FSTL4: variants seen among roughly 807,000 people sequenced by gnomAD.
The protein encoded by FSTL4 is follistatin like 4.
In FSTL4, 28 loss-of-function variants were observed where a neutral mutation model predicts 78.2. The observed-to-expected ratio is 0.36, with a 90% CI of 0.27 to 0.49. The LOEUF is 0.49. Ranked by LOEUF, FSTL4 falls within the 20% of genes least tolerant of loss-of-function variation. The pLI is 0.98. For synonymous variants in FSTL4, 422 were observed against 440.5 expected (o/e 0.96, Z 0.53); for missense variants, 922 against 1,084.9 (o/e 0.85, Z 2.11).
the FSTL4 span, among the ~76,000 whole-genome samples, chr5:133,760,246 G>A: frequency 6.6e-6 from 1 of 152,196 alleles, no homozygotes; most frequent in Non-Finnish European, 1.5e-5. Flanking sequence ...AAGCCACAGA[G>A]TCACTAGATG....
intron 2 of FSTL4, among the ~76,000 whole-genome samples, chr5:133,601,581 G>C (rs1317750816): frequency 6.6e-6 from 1 of 152,168 alleles, no homozygotes; most frequent in Non-Finnish European, 1.5e-5. Context: ...GGTGCATGGA[G>C]GGATGAACAG....
chr5:133,803,356 G>A, the FSTL4 span, among the ~76,000 whole-genome samples: 1 of 152,150 alleles, frequency 6.6e-6, no homozygotes, highest in Admixed American at 6.5e-5. Context: ...GCATGTAAGA[G>A]CTGGCCAGGC....
intron 4 of FSTL4, among the ~76,000 whole-genome samples, chr5:133,360,318 G>C (rs1755040830): frequency 6.6e-6 from 1 of 152,196 alleles, no homozygotes; most frequent in South Asian, 2.1e-4. Flanking sequence ...TGAATTCAAA[G>C]CTGGCTCTAA....
the FSTL4 span, among the ~76,000 whole-genome samples, chr5:133,663,600 G>A: frequency 2.6e-5 from 4 of 152,214 alleles, no homozygotes; most frequent in South Asian, 2.1e-4. Context: ...TGCTGCACAC[G>A]TGGTCTCATT....
At chr5:133,568,298 C>T (rs2112945167) in intron 2 of FSTL4, among the ~76,000 whole-genome samples, 1 of 152,284 alleles carries the variant, frequency 6.6e-6, no homozygotes, top group South Asian at 2.1e-4. Flanking sequence ...ATACTAGCAA[C>T]TAAAGAAGAG....
intron 3 of FSTL4, among the ~76,000 whole-genome samples, chr5:133,560,551 G>C (rs1387524261): frequency 6.6e-6 from 1 of 151,964 alleles, no homozygotes; most frequent in Non-Finnish European, 1.5e-5. Context: ...TTTTAGTAGA[G>C]ACGGGGTTTT....
intron 3 of FSTL4, among the ~76,000 whole-genome samples, chr5:133,493,646 G>A (rs1428288396): frequency 6.6e-6 from 1 of 152,156 alleles, no homozygotes; most frequent in Non-Finnish European, 1.5e-5. Context: ...GAGGTGGCCC[G>A]TGCTGGGTCT....
At chr5:133,662,730 G>C in the FSTL4 span, among the ~76,000 whole-genome samples, 1 of 152,146 alleles carries the variant, frequency 6.6e-6, no homozygotes, top group Non-Finnish European at 1.5e-5. Context: ...CCAGGGCTGT[G>C]CTTACTGTGA....
intron 3 of FSTL4, among the ~76,000 whole-genome samples, chr5:133,455,576 T>C (rs1757471415): frequency 6.6e-6 from 1 of 152,164 alleles, no homozygotes; most frequent in Admixed American, 6.5e-5. Context: ...CATGCAGACT[T>C]AGCCAGCTGA....
At chr5:133,798,731 C>T in the FSTL4 span, among the ~76,000 whole-genome samples, 1 of 152,084 alleles carries the variant, frequency 6.6e-6, no homozygotes, top group African/African-American at 2.4e-5. Context: ...GAAAGCCTCT[C>T]GTCCCCGCTC....
chr5:133,559,381 G>A (rs575215784), intron 3 of FSTL4, among the ~76,000 whole-genome samples: 10 of 152,292 alleles, frequency 6.6e-5, no homozygotes, highest in African/African-American at 2.4e-4. Context: ...CAAATGTCAA[G>A]CTTAACTTCT....
At chr5:133,477,144 T>A (rs1012226399) in intron 3 of FSTL4, among the ~76,000 whole-genome samples, 1 of 152,168 alleles carries the variant, frequency 6.6e-6, no homozygotes, top group African/African-American at 2.4e-5. Flanking sequence ...AAAATTTGGT[T>A]TAAAATATGT....
chr5:133,435,250 C>T (rs920582309), intron 3 of FSTL4, among the ~76,000 whole-genome samples: 12 of 152,142 alleles, frequency 7.9e-5, no homozygotes, highest in African/African-American at 2.9e-4. Flanking sequence ...GCCACCATTT[C>T]CCAAGTGATT....
chr5:133,394,736 G>A (rs1561699941), intron 4 of FSTL4, among the ~76,000 whole-genome samples: 1 of 152,234 alleles, frequency 6.6e-6, no homozygotes, highest in African/African-American at 2.4e-5. Context: ...GAGGAGTGCG[G>A]GTGCACTGCG....
the FSTL4 span, among the ~76,000 whole-genome samples, chr5:133,816,032 A>C: frequency 9.5e-3 from 1,454 of 152,346 alleles, 28 homozygotes; most frequent in African/African-American, 0.034. Context: ...GGATAGAGTT[A>C]AGCGGGCTCT....
chr5:133,685,464 A>G, the FSTL4 span, among the ~76,000 whole-genome samples: 563 of 152,382 alleles, frequency 3.7e-3, 2 homozygotes, highest in African/African-American at 0.013. Context: ...CTGTGTCTAC[A>G]GAGAGGAAAA....
At chr5:133,487,326 C>T (rs1200455972) in intron 3 of FSTL4, among the ~76,000 whole-genome samples, 2 of 152,146 alleles carry the variant, frequency 1.3e-5, no homozygotes, top group East Asian at 3.9e-4. Flanking sequence ...GTGCCTGTGA[C>T]GTATGTTGCT....
chr5:133,808,859 C>T, the FSTL4 span, among the ~76,000 whole-genome samples: 1 of 143,926 alleles, frequency 6.9e-6, no homozygotes, highest in Admixed American at 6.9e-5. Context: ...CCGCCCCCCG[C>T]CACCCCCCAC....
chr5:133,487,910 C>A (rs1457836086), intron 3 of FSTL4, among the ~76,000 whole-genome samples: 1 of 152,206 alleles, frequency 6.6e-6, no homozygotes, highest in African/African-American at 2.4e-5. Flanking sequence ...CAAATCTCCC[C>A]ACTGGTGTGG....
Sources: gnomAD v4.1 joint callset for allele counts (sites outside exome capture counted in the v4.1 genomes callset) on GRCh38, gnomAD v4.1.1 for gene constraint, MANE v1.5 for transcripts, NCBI Gene and HGNC (gene_info 2026-07-23, HGNC 2026-07-21) for gene names.